GATAD2A: variants seen among roughly 807,000 people sequenced by gnomAD.
GATAD2A encodes the protein GATA zinc finger domain containing 2A.
GATAD2A carries 12 observed loss-of-function variants against 68.5 expected under a neutral mutation model. The ratio of observed to expected loss-of-function variants is 0.18; its 90% CI spans 0.11 to 0.28. The LOEUF is 0.28. Among genes scored for constraint, GATAD2A ranks in the 10% least tolerant of loss-of-function variants. The pLI, the probability that GATAD2A is intolerant of heterozygous loss-of-function variation, is 1.00. For synonymous variants in GATAD2A, 410 were observed against 375.3 expected, an observed-to-expected ratio of 1.09 and a Z score of -1.07; for missense variants, 755 against 868.5, an observed-to-expected ratio of 0.87 and a Z score of 1.64.
chr19:19,430,978 T>TGTGTGTGTGG (rs772052323), intron 1 of GATAD2A, among the ~76,000 whole-genome samples: 1 of 63,486 alleles, frequency 1.6e-5, no homozygotes, highest in Non-Finnish European at 3.5e-5. Context: ...ATGGTAGGGG[T>TGTGTGTGTGG]GTGTGTGTGT....
intron 1 of GATAD2A, among the ~76,000 whole-genome samples, chr19:19,454,728 G>GCCCCCCCCCC (rs60087917): frequency 2.0e-4 from 24 of 121,700 alleles, no homozygotes; most frequent in African/African-American, 3.1e-4. Flanking sequence ...GAGCCACTGT[G>GCCCCCCCCCC]CCCCCCCCCA....
At chr19:19,493,429 G>A (rs1236734724) in intron 4 of GATAD2A, among the ~76,000 whole-genome samples, 1 of 152,222 alleles carries the variant, frequency 6.6e-6, no homozygotes, top group African/African-American at 2.4e-5. Context: ...CAAGTGTGCT[G>A]AGCTCCCGTG....
At chr19:19,407,093 G>T (rs2050366598) in intron 1 of GATAD2A, among the ~76,000 whole-genome samples, 1 of 152,082 alleles carries the variant, frequency 6.6e-6, no homozygotes, top group Non-Finnish European at 1.5e-5. Flanking sequence ...TACATCTCTG[G>T]TTCTGTGTGC....
intron 1 of GATAD2A, among the ~76,000 whole-genome samples, chr19:19,387,987 G>A (rs1313182139): frequency 3.3e-5 from 5 of 151,826 alleles, no homozygotes; most frequent in African/African-American, 1.2e-4. Flanking sequence ...CTTTCTAGAG[G>A]CTTTCCTCTT....
intron 1 of GATAD2A, chr19:19,464,922 G>A (rs1568309912): frequency 3.6e-6 from 1 of 274,640 alleles, no homozygotes; most frequent in Non-Finnish European, 7.1e-6. Context: ...TGCAGTCACC[G>A]CCCTCCTGGA....
At chr19:19,451,124 C>T (rs773043052) in intron 1 of GATAD2A, among the ~76,000 whole-genome samples, 9 of 151,812 alleles carry the variant, frequency 5.9e-5, no homozygotes, top group Non-Finnish European at 1.0e-4. Flanking sequence ...CCTGTAATCC[C>T]AGCACCTTGT....
chr19:19,502,921 C>A (rs768694225), intron 11 of GATAD2A, among the ~76,000 whole-genome samples: 1 of 152,198 alleles, frequency 6.6e-6, no homozygotes, highest in Non-Finnish European at 1.5e-5. Flanking sequence ...GCCATCCATG[C>A]TGCGGTCACA....
In GATAD2A at chr19:19,458,286, G is replaced by A. The variant is rs553756513; in HGVS notation, c.-6-7054G>A. Among the ~76,000 whole-genome samples, 13 of 152,296 alleles carry A rather than the reference G, an allele frequency of 8.5e-5. No individual in the cohort carries two copies. In the East Asian group the frequency reaches 2.5e-3, roughly 29 times the overall value. ...CGCATGCTGTTCCCCTGCCTGGAAC[G>A]TCTCGCCTAATTCCTTTTCCTGCCC... On this transcript the variant is annotated intron_variant, in intron 1 of 11. Coordinates refer to ENST00000683918, the MANE Select transcript of GATAD2A (RefSeq NM_001384528.1).
intron 2 of GATAD2A, among the ~76,000 whole-genome samples, chr19:19,471,210 C>T (rs1182121565): frequency 4.7e-5 from 7 of 147,638 alleles, no homozygotes; most frequent in East Asian, 2.0e-4. Context: ...GAGCCGAGAT[C>T]GTGCCGCTGT....
intron 1 of GATAD2A, chr19:19,440,047 TGTG>T (rs1341552194): frequency 7.8e-6 from 2 of 255,528 alleles, no homozygotes; most frequent in Non-Finnish European, 1.6e-5. Context: ...CTGGGCAACT[TGTG>T]GTGGTGGCTC....
rs1008975400 is a variant in GATAD2A at position 19,498,549 on chromosome 19, G to A, written c.1031G>A (p.Arg344Gln). 2.5e-6 allele frequency: 4 copies of A among 1,613,910 alleles called. No homozygotes were observed. The highest frequency in any genetic ancestry group is 1.7e-5 in the Admixed American group (1 of 60,024). Reference sequence around the variant, plus strand: ...ACCTCTGCCGAGTCTCCAGCAAGCCGACAGGCGGCCGCCAAGCTGGCGCTG... The same window carrying A: ...ACCTCTGCCGAGTCTCCAGCAAGCCAACAGGCGGCCGCCAAGCTGGCGCTG... ...VVTSAESPAS[R>Q]QAAAKLALRK... Residue 344 changes from arginine (R) to glutamine (Q), a missense_variant, in exon 8 of 12, where the codon CGA becomes CAA. Transcript: ENST00000683918.
chr19:19,399,848 G>A (rs1242256254), intron 1 of GATAD2A, among the ~76,000 whole-genome samples: 1 of 152,012 alleles, frequency 6.6e-6, no homozygotes, highest in Non-Finnish European at 1.5e-5. Context: ...TGGGGAGTAG[G>A]GTGTGAAATA....
At chr19:19,473,052 T>C (rs1396784977) in intron 2 of GATAD2A, among the ~76,000 whole-genome samples, 1 of 152,190 alleles carries the variant, frequency 6.6e-6, no homozygotes, top group Non-Finnish European at 1.5e-5. Context: ...GGGAGGAGAC[T>C]GGGCTGTGGC....
chr19:19,394,609 G>A (rs1332068172), intron 1 of GATAD2A, among the ~76,000 whole-genome samples: 1 of 152,022 alleles, frequency 6.6e-6, no homozygotes, highest in Non-Finnish European at 1.5e-5. Context: ...GCCATGCCTG[G>A]CTAATTTTTT....
In GATAD2A at chr19:19,507,448, G is replaced by T. The variant is rs149330179; in HGVS notation, c.*1974G>T. On this transcript the variant is annotated 3_prime_UTR_variant, in exon 12 of 12. Coordinates refer to ENST00000683918, the MANE Select transcript of GATAD2A (RefSeq NM_001384528.1). ...CTTCCCACTGAAAGCCCTCCCCAGC[G>T]AACCAACCTCAGTTCTATGCAGTGG... 1.3e-5 allele frequency: 2 copies of T among 152,242 alleles called. No homozygotes were observed. The highest frequency in any genetic ancestry group is 2.9e-5 in the Non-Finnish European group (2 of 68,050). 9.4% of individuals were successfully genotyped at this position (152,242 alleles called of 1,614,324 possible).
At chr19:19,483,241 T>C (rs2059182332) in intron 2 of GATAD2A, among the ~76,000 whole-genome samples, 1 of 152,198 alleles carries the variant, frequency 6.6e-6, no homozygotes, top group Non-Finnish European at 1.5e-5. Context: ...CTCTCTCTTT[T>C]TCCTGAGCTC....
intron 11 of GATAD2A, among the ~76,000 whole-genome samples, chr19:19,504,612 C>T (rs1201005589): frequency 6.7e-6 from 1 of 150,172 alleles, no homozygotes; most frequent in Non-Finnish European, 1.5e-5. Context: ...AACAACAACA[C>T]TTGAGGGTAG....
At chr19:19,444,033 G>A (rs998630995) in intron 1 of GATAD2A, among the ~76,000 whole-genome samples, 4 of 152,142 alleles carry the variant, frequency 2.6e-5, no homozygotes, top group Admixed American at 2.0e-4. Flanking sequence ...AGTGGGTGCT[G>A]TTCCCATTTT....
At chr19:19,387,570 C>T (rs2048532930) in intron 1 of GATAD2A, among the ~76,000 whole-genome samples, 1 of 152,104 alleles carries the variant, frequency 6.6e-6, no homozygotes, top group Non-Finnish European at 1.5e-5. Flanking sequence ...CCACCCGCCT[C>T]GGCCTCCCAC....
Sources: allele counts gnomAD v4.1 joint callset (sites outside exome capture counted in the v4.1 genomes callset), GRCh38; gene constraint gnomAD v4.1.1; transcripts MANE v1.5; gene names NCBI Gene and HGNC (gene_info 2026-07-23, HGNC 2026-07-21).